Variants in DPYSL3 observed in about 807,000 individuals in gnomAD.
The protein encoded by DPYSL3 is dihydropyrimidinase like 3.
DPYSL3 carries 16 observed loss-of-function variants against 66.1 expected under a neutral mutation model. The ratio of observed to expected loss-of-function variants is 0.24; its 90% CI spans 0.16 to 0.37. DPYSL3 has a LOEUF of 0.37. Ranked by LOEUF, DPYSL3 falls within the 10% of genes least tolerant of loss-of-function variation. The pLI is 1.00. For synonymous variants in DPYSL3, 338 were observed against 345.1 expected, an observed-to-expected ratio of 0.98 and a Z score of 0.23; for missense variants, 738 against 916.2, an observed-to-expected ratio of 0.81 and a Z score of 2.51.
chr5:147,407,300 G>A (rs77167414), intron 7 of DPYSL3, among the ~76,000 whole-genome samples: 2,976 of 152,188 alleles, frequency 0.02, 98 homozygotes, highest in African/African-American at 0.068. Context: ...GGCCTTCCAC[G>A]GCTATAGAGG....
At chr5:147,425,546 T>C (rs1752179277) in intron 1 of DPYSL3, among the ~76,000 whole-genome samples, 1 of 152,232 alleles carries the variant, frequency 6.6e-6, no homozygotes, top group African/African-American at 2.4e-5. Flanking sequence ...AGGCAAAGTA[T>C]CTATAGTATT....
chr5:147,481,851 T>A (rs1171237100), intron 1 of DPYSL3, among the ~76,000 whole-genome samples: 1 of 152,166 alleles, frequency 6.6e-6, no homozygotes, highest in Non-Finnish European at 1.5e-5. Flanking sequence ...GCTAAATAAA[T>A]TTATGTTCAT....
chr5:147,413,782 T>G lies in DPYSL3; in HGVS notation c.821-125A>C, dbSNP rs74835654. ...GCATTACCCGGGCTCCTGTCCAACA[T>G]AAAGCAGATATTTATATTCTTCAAG... On this transcript the variant is annotated intron_variant, in intron 4 of 13. Coordinates refer to ENST00000343218, the MANE Select transcript of DPYSL3 (RefSeq NM_001197294.2). 8.8e-4 allele frequency: 650 copies of G among 740,328 alleles called. 6 individuals carry two copies. The East Asian group carries it at 0.016, about 18-fold the overall frequency. The allele number at this position is 740,328 out of a possible 1,614,324, so 45.9% of individuals were successfully genotyped here.
At chr5:147,468,922 T>C (rs1307976486) in intron 1 of DPYSL3, among the ~76,000 whole-genome samples, 10 of 152,208 alleles carry the variant, frequency 6.6e-5, no homozygotes, top group Non-Finnish European at 1.5e-4. Flanking sequence ...GCAATAATGA[T>C]ATTCATATTA....
At chr5:147,418,349 G>A (rs1752013148) in intron 3 of DPYSL3, 98 bp downstream of exon 3, 1 of 1,267,804 alleles carries the variant, frequency 7.9e-7, no homozygotes, top group Non-Finnish European at 1.1e-6. Flanking sequence ...ACTGAACTGG[G>A]ACAAGTATAC....
chr5:147,474,166 A>C (rs184751146), intron 1 of DPYSL3, among the ~76,000 whole-genome samples: 32 of 152,188 alleles, frequency 2.1e-4, no homozygotes, highest in Admixed American at 2.0e-3. Flanking sequence ...TATCATGTAC[A>C]CAATGGTGGC....
At position 147,509,896 on chromosome 5, in the gene DPYSL3, C is replaced by T; in HGVS notation, c.-38G>A. The T allele has an allele frequency of 6.8e-7, 1 of 1,476,240 alleles. No individual in the cohort carries two copies. The highest frequency in any genetic ancestry group is 9.0e-7 in the Non-Finnish European group (1 of 1,113,690). The allele number at this position is 1,476,240 out of a possible 1,614,324, so 91.4% of individuals were successfully genotyped here. The stretch of plus-strand genomic sequence containing the variant: ...AAAGCGGCCCGCGGGTTTTTCTTCC[C>T]CAGAGGCGGAAAGGGCAGCCGCCGG... On this transcript the variant is annotated 5_prime_UTR_variant, in exon 1 of 14. Coordinates refer to ENST00000343218, the MANE Select transcript of DPYSL3 (RefSeq NM_001197294.2). The surrounding 1 kb of genome is among the most constrained non-coding windows in gnomAD (Gnocchi z 5.3).
chr5:147,401,810 G>T, intron 8 of DPYSL3, 114 bp from the exon 9 acceptor site: 1 of 1,308,004 alleles, frequency 7.6e-7, no homozygotes, highest in Non-Finnish European at 1.0e-6. Flanking sequence ...GAGTCAGACT[G>T]ACCTGGGTTC....
chr5:147,463,522 G>C (rs868486982), intron 1 of DPYSL3, among the ~76,000 whole-genome samples: 2 of 152,146 alleles, frequency 1.3e-5, no homozygotes, highest in Admixed American at 6.5e-5. Context: ...GAAGAGTCAA[G>C]ATACATGTAT....
chr5:147,432,976 G>A (rs1193792204), intron 1 of DPYSL3, among the ~76,000 whole-genome samples: 2 of 152,140 alleles, frequency 1.3e-5, no homozygotes, highest in Middle Eastern at 3.2e-3. Context: ...AGATTATCAC[G>A]GATCAGGGAG....
intron 7 of DPYSL3, among the ~76,000 whole-genome samples, chr5:147,408,118 C>A (rs1247317791): frequency 1.3e-5 from 2 of 152,112 alleles, no homozygotes; most frequent in Non-Finnish European, 2.9e-5. Flanking sequence ...AGGTGCTAGA[C>A]CCAGGCTGCC....
chr5:147,449,477 G>C (rs17106743), intron 1 of DPYSL3, among the ~76,000 whole-genome samples: 7,584 of 152,234 alleles, frequency 0.05, 613 homozygotes, highest in African/African-American at 0.17. Flanking sequence ...TCAGTGGTTG[G>C]AAAAGACCAG....
chr5:147,465,013 A>G (rs1434754813), intron 1 of DPYSL3, among the ~76,000 whole-genome samples: 2 of 152,110 alleles, frequency 1.3e-5, no homozygotes, highest in Non-Finnish European at 2.9e-5. Flanking sequence ...AGCCTAGCCA[A>G]CATAGCTTTT....
At chr5:147,402,639 G>A (rs1202592380) in intron 8 of DPYSL3, among the ~76,000 whole-genome samples, 3 of 135,626 alleles carry the variant, frequency 2.2e-5, no homozygotes, top group Middle Eastern at 3.4e-3. Flanking sequence ...GAGCCACCGC[G>A]CCCGGCCTAT....
intron 8 of DPYSL3, 96 bp from the exon 9 acceptor site, chr5:147,401,792 G>A (rs1758188988): frequency 6.9e-7 from 1 of 1,450,644 alleles, no homozygotes; most frequent in South Asian, 1.3e-5. Flanking sequence ...ACCCAGGACT[G>A]TGTCTCAGAG....
intron 1 of DPYSL3, among the ~76,000 whole-genome samples, chr5:147,508,902 G>A (rs529802647): frequency 6.6e-6 from 1 of 152,258 alleles, no homozygotes; most frequent in South Asian, 2.1e-4. Flanking sequence ...CACAAGCGAG[G>A]CATAGAGAGA....
At chr5:147,498,106 G>A (rs1430418637) in intron 1 of DPYSL3, among the ~76,000 whole-genome samples, 4 of 151,880 alleles carry the variant, frequency 2.6e-5, no homozygotes, top group Admixed American at 6.6e-5. Context: ...CCCTCCAATA[G>A]GCCCCAGTGT....
intron 1 of DPYSL3, among the ~76,000 whole-genome samples, chr5:147,470,875 G>C (rs1478657319): frequency 2.0e-5 from 3 of 151,960 alleles, no homozygotes; most frequent in Admixed American, 2.0e-4. Flanking sequence ...GTTTCCCCTG[G>C]TGCTTCTCAG....
At chr5:147,437,412 A>C (rs778821269) in intron 1 of DPYSL3, among the ~76,000 whole-genome samples, 35 of 152,346 alleles carry the variant, frequency 2.3e-4, no homozygotes, top group Admixed American at 5.2e-4. Flanking sequence ...TGGAGGCCAC[A>C]GGGATTCTTC....
Sources: gnomAD v4.1 joint callset for allele counts (sites outside exome capture counted in the v4.1 genomes callset) on GRCh38, gnomAD v4.1.1 for gene constraint, Gnocchi (gnomAD v3.1) non-coding constraint, MANE v1.5 for transcripts, NCBI Gene and HGNC (gene_info 2026-07-23, HGNC 2026-07-21) for gene names.